The following GRID2 variants were observed in gnomAD, a reference collection of about 807,000 sequenced individuals.
The protein encoded by GRID2 is glutamate receptor ionotropic, delta-2.
GRID2 carries 33 observed loss-of-function variants against 114.8 expected under a neutral mutation model. That is an observed-to-expected ratio of 0.29 (90% CI 0.22 to 0.38). GRID2 has a LOEUF of 0.38. Among genes scored for constraint, GRID2 ranks in the 10% least tolerant of loss-of-function variants. GRID2 has a pLI of 1.00. For missense variants in GRID2, 1,184 were observed against 1,257.7 expected (o/e 0.94, Z 0.89); for synonymous variants, 505 against 449.9 (o/e 1.12, Z -1.55).
intron 2 of GRID2, among the ~76,000 whole-genome samples, chr4:92,833,207 C>G (rs1197754688): frequency 6.6e-6 from 1 of 152,142 alleles, no homozygotes; most frequent in East Asian, 1.9e-4. Flanking sequence ...AACATACTTC[C>G]AGAGAAGCGG....
At chr4:93,365,167 G>A (rs1762222858) in intron 8 of GRID2, among the ~76,000 whole-genome samples, 1 of 152,098 alleles carries the variant, frequency 6.6e-6, no homozygotes, top group African/African-American at 2.4e-5. Flanking sequence ...TGTGAGGTAT[G>A]TACTACCTCT....
intron 8 of GRID2, among the ~76,000 whole-genome samples, chr4:93,282,073 AT>A (rs1419414756): frequency 6.6e-6 from 1 of 151,978 alleles, no homozygotes; most frequent in Non-Finnish European, 1.5e-5. Flanking sequence ...AGTTGTATTT[AT>A]TTCTTTCCTT....
chr4:93,279,609 T>A (rs906392037), intron 8 of GRID2, among the ~76,000 whole-genome samples: 1 of 151,938 alleles, frequency 6.6e-6, no homozygotes, highest in Non-Finnish European at 1.5e-5. Flanking sequence ...TACATTTATA[T>A]GTTTGCTTGA....
chr4:92,414,314 T>C (rs1342057343), intron 1 of GRID2, among the ~76,000 whole-genome samples: 1 of 152,208 alleles, frequency 6.6e-6, no homozygotes, highest in African/African-American at 2.4e-5. Context: ...TGAGGCTGGA[T>C]GCACAGAATC....
intron 2 of GRID2, among the ~76,000 whole-genome samples, chr4:92,612,155 G>T (rs1729784025): frequency 6.6e-6 from 1 of 151,236 alleles, no homozygotes; most frequent in Non-Finnish European, 1.5e-5. Flanking sequence ...GTTTGAGTAT[G>T]GTATGAGGCA....
intron 14 of GRID2, among the ~76,000 whole-genome samples, chr4:93,733,628 C>T (rs1247616909): frequency 6.6e-6 from 1 of 152,080 alleles, no homozygotes; most frequent in African/African-American, 2.4e-5. Flanking sequence ...AAAGAGACTT[C>T]CTCAAATCCC....
intron 2 of GRID2, among the ~76,000 whole-genome samples, chr4:93,028,411 G>C (rs934845910): frequency 2.6e-5 from 4 of 152,030 alleles, no homozygotes; most frequent in Non-Finnish European, 5.9e-5. Flanking sequence ...GCTTGGGAGA[G>C]AGAGAGAGTG....
At chr4:92,733,897 C>A (rs1736455224) in intron 2 of GRID2, among the ~76,000 whole-genome samples, 1 of 152,028 alleles carries the variant, frequency 6.6e-6, no homozygotes. Flanking sequence ...TCTACTCCCT[C>A]AAAAATTCTT....
chr4:92,980,651 T>TC (rs1218193193), intron 2 of GRID2, among the ~76,000 whole-genome samples: 2 of 152,052 alleles, frequency 1.3e-5, no homozygotes, highest in Admixed American at 1.3e-4. Context: ...GTTTTGTTTT[T>TC]CACAATACAA....
At chr4:93,382,973 A>T (rs1763999636) in intron 8 of GRID2, among the ~76,000 whole-genome samples, 1 of 151,872 alleles carries the variant, frequency 6.6e-6, no homozygotes, top group Non-Finnish European at 1.5e-5. Flanking sequence ...TCTGAGATGT[A>T]CGTAAATTTA....
chr4:93,447,042 T>C (rs1305525932), intron 10 of GRID2, among the ~76,000 whole-genome samples: 1 of 151,672 alleles, frequency 6.6e-6, no homozygotes, highest in Non-Finnish European at 1.5e-5. Context: ...AAAATTAAGA[T>C]GAATAACATT....
At chr4:92,637,544 A>G (rs903736670) in intron 2 of GRID2, among the ~76,000 whole-genome samples, 2 of 152,074 alleles carry the variant, frequency 1.3e-5, no homozygotes, top group East Asian at 1.9e-4. Flanking sequence ...TTGTTGAGAT[A>G]TAAGTTTAAA....
intron 2 of GRID2, among the ~76,000 whole-genome samples, chr4:92,672,993 T>C (rs1406943316): frequency 1.3e-5 from 2 of 152,160 alleles, no homozygotes; most frequent in Non-Finnish European, 2.9e-5. Flanking sequence ...TCCAAGTTTC[T>C]GGAACCACCA....
At chr4:93,000,104 T>C (rs1403087947) in intron 2 of GRID2, among the ~76,000 whole-genome samples, 1 of 151,716 alleles carries the variant, frequency 6.6e-6, no homozygotes, top group Admixed American at 6.6e-5. Flanking sequence ...GGTGCTTCCA[T>C]TGGCCGAGAT....
In GRID2 at chr4:92,476,023, C is replaced by CTTTTTTT. The variant is rs752757998; in HGVS notation, c.89-114096_89-114090dup. 4.0e-5 allele frequency among the ~76,000 whole-genome samples: 5 copies of CTTTTTTT among 125,122 alleles called. 1 individual carries two copies. The highest frequency in any genetic ancestry group is 2.9e-5 in the African/African-American group (1 of 34,204). The allele number at this position is 125,122 out of a possible 152,430, so 82.1% of individuals were successfully genotyped here. A position where few individuals can be genotyped will look rare whatever the true frequency, so the allele number is the denominator to read the frequency against. ...TACTGATTTAAGAAATTCAGTGCTT[C>CTTTTTTT]TTTTTTTTTTTTTTTTTTGTGACGG... On this transcript the variant is annotated intron_variant, in intron 1 of 15. Transcript: ENST00000282020.
chr4:92,919,551 G>T (rs1237489534), intron 2 of GRID2, among the ~76,000 whole-genome samples: 2 of 152,108 alleles, frequency 1.3e-5, no homozygotes, highest in African/African-American at 2.4e-5. Context: ...GGTATGTTGT[G>T]TCTTTGTTCT....
chr4:92,636,808 A>T (rs1731086773), intron 2 of GRID2, among the ~76,000 whole-genome samples: 1 of 152,046 alleles, frequency 6.6e-6, no homozygotes, highest in African/African-American at 2.4e-5. Flanking sequence ...CCAAGCCTGA[A>T]TATAACCTGA....
intron 1 of GRID2, 92 bp downstream of exon 1, chr4:92,304,836 G>C: frequency 1.1e-6 from 1 of 916,466 alleles, no homozygotes; most frequent in South Asian, 1.3e-5. Flanking sequence ...GTCTCTGTGT[G>C]TCTTGTTGGA....
chr4:93,351,200 T>C (rs1760766607), intron 8 of GRID2, among the ~76,000 whole-genome samples: 1 of 152,028 alleles, frequency 6.6e-6, no homozygotes, highest in Admixed American at 6.6e-5. Context: ...AAAACACAGG[T>C]CATGCATTCA....
Sources: allele counts gnomAD v4.1 joint callset (sites outside exome capture counted in the v4.1 genomes callset), GRCh38; gene constraint gnomAD v4.1.1; transcripts MANE v1.5; gene names NCBI Gene and HGNC (gene_info 2026-07-23, HGNC 2026-07-21).